UNC13C: variants seen among roughly 807,000 people sequenced by gnomAD.
The protein encoded by UNC13C is protein unc-13 homolog C.
In UNC13C, 174 loss-of-function variants were observed where a neutral mutation model predicts 245.4. That is an observed-to-expected ratio of 0.71 (90% CI 0.63 to 0.80). The LOEUF is 0.80. Ranked by LOEUF, UNC13C falls within the 30% of genes least tolerant of loss-of-function variation. The pLI, the probability that UNC13C is intolerant of heterozygous loss-of-function variation, is 0.00. For missense variants in UNC13C, 2,829 were observed against 2,602.9 expected, an observed-to-expected ratio of 1.09 and a Z score of -1.89; for synonymous variants, 992 against 895.1, an observed-to-expected ratio of 1.11 and a Z score of -1.93.
At chr15:54,588,838 A>C (rs2141250909) in intron 30 of UNC13C, among the ~76,000 whole-genome samples, 2 of 152,324 alleles carry the variant, frequency 1.3e-5, no homozygotes, top group South Asian at 4.1e-4. Context: ...ATGGCTCAGT[A>C]GTATTCCATT....
At position 54,123,181 on chromosome 15, in the gene UNC13C, A is replaced by AC. The variant is rs2030795475; in HGVS notation, c.2984-19833dup. Among the ~76,000 whole-genome samples the AC allele has an allele frequency of 4.6e-5, 7 of 151,972 alleles. No homozygotes were observed. The South Asian group carries it at 1.4e-3, about 31-fold the overall frequency. ...GTATCTTATGGTTTCAAATTTCATT[A>AC]CCCCAAGACTAATGATATTGAGTAT... On this transcript the variant is annotated intron_variant, in intron 2 of 32. Coordinates refer to ENST00000260323, the MANE Select transcript of UNC13C (RefSeq NM_001080534.3).
chr15:53,869,295 G>A, the UNC13C span, among the ~76,000 whole-genome samples: 1 of 152,182 alleles, frequency 6.6e-6, no homozygotes, highest in South Asian at 2.1e-4. Flanking sequence ...CCTGTTCAAT[G>A]CTGCCTGTCC....
chr15:54,418,675 T>C (rs884043), intron 19 of UNC13C, among the ~76,000 whole-genome samples: 63,330 of 151,532 alleles, frequency 0.42, 13,592 homozygotes, highest in East Asian at 0.55. Context: ...GGGGGCTTGG[T>C]AAATATATCC....
intron 17 of UNC13C, among the ~76,000 whole-genome samples, chr15:54,339,104 G>T (rs1235269460): frequency 6.6e-6 from 1 of 152,136 alleles, no homozygotes; most frequent in African/African-American, 2.4e-5. Context: ...CTGACCTCAG[G>T]TGATCCGCCC....
chr15:54,054,699 G>T (rs1275666799), intron 2 of UNC13C, among the ~76,000 whole-genome samples: 3 of 152,038 alleles, frequency 2.0e-5, no homozygotes, highest in African/African-American at 7.2e-5. Context: ...AACTATAAAG[G>T]CATATCACAG....
the UNC13C span, among the ~76,000 whole-genome samples, chr15:53,967,387 G>T: frequency 6.6e-6 from 1 of 151,424 alleles, no homozygotes; most frequent in Admixed American, 6.6e-5. Flanking sequence ...GTATGTACCT[G>T]CTGTTCTCAA....
intron 18 of UNC13C, among the ~76,000 whole-genome samples, chr15:54,402,344 T>C (rs1248573502): frequency 3.3e-5 from 5 of 152,194 alleles, no homozygotes; most frequent in African/African-American, 7.2e-5. Context: ...TTACATTATA[T>C]GGAAAGAATT....
At chr15:53,873,923 TCTTCCTTCCTTCCTTCCTTC>T in the UNC13C span, among the ~76,000 whole-genome samples, 2 of 47,608 alleles carry the variant, frequency 4.2e-5, no homozygotes, top group Non-Finnish European at 8.5e-5. Context: ...TTCCTTCCTT[TCTTCCTTCCTTCCTTCCTTC>T]CTTCCTTCCT....
rs558011825 is a variant in UNC13C, at chr15:54,042,624, C to T, written c.2983+26738C>T. On this transcript the variant is annotated intron_variant, in intron 2 of 32. Coordinates refer to ENST00000260323, the MANE Select transcript of UNC13C (RefSeq NM_001080534.3). ...ATCCCAGCACTTTGGGAGGCTGAGG[C>T]GGGCGGATCACAAGGTCAGGAGATC... 2.3e-4 allele frequency among the ~76,000 whole-genome samples: 35 copies of T among 152,138 alleles called. 1 individual carries two copies. The highest frequency in any genetic ancestry group is 7.8e-4 in the Admixed American group (12 of 15,298).
chr15:54,060,049 A>T (rs987246525), intron 2 of UNC13C, among the ~76,000 whole-genome samples: 1 of 152,234 alleles, frequency 6.6e-6, no homozygotes, highest in Admixed American at 6.5e-5. Flanking sequence ...TTCAGGACAT[A>T]GGCATGGGCA....
At chr15:54,225,022 GTCT>G (rs1272774791) in intron 4 of UNC13C, among the ~76,000 whole-genome samples, 4 of 134,776 alleles carry the variant, frequency 3.0e-5, no homozygotes, top group Non-Finnish European at 6.1e-5. Flanking sequence ...TTTTACTTGT[GTCT>G]TCTTTTTTTT....
chr15:53,935,253 C>A, the UNC13C span, among the ~76,000 whole-genome samples: 1 of 152,120 alleles, frequency 6.6e-6, no homozygotes, highest in African/African-American at 2.4e-5. Flanking sequence ...TTCCCACCCA[C>A]CCACAGTAAG....
At chr15:53,870,287 G>A in the UNC13C span, among the ~76,000 whole-genome samples, 3 of 152,160 alleles carry the variant, frequency 2.0e-5, no homozygotes, top group African/African-American at 7.2e-5. Flanking sequence ...CCTTTGAGAA[G>A]TCACTTTCTA....
At chr15:54,373,241 C>G (rs2039530956) in intron 17 of UNC13C, among the ~76,000 whole-genome samples, 1 of 152,178 alleles carries the variant, frequency 6.6e-6, no homozygotes, top group Admixed American at 6.5e-5. Context: ...TTACCAGAAG[C>G]AAGTATTACA....
At chr15:54,569,256 C>A (rs1897647564) in intron 30 of UNC13C, among the ~76,000 whole-genome samples, 1 of 152,088 alleles carries the variant, frequency 6.6e-6, no homozygotes, top group South Asian at 2.1e-4. Context: ...CCCTCGGTAT[C>A]CCTGGGTAAT....
At chr15:54,167,925 C>T (rs1227395765) in intron 4 of UNC13C, among the ~76,000 whole-genome samples, 1 of 152,150 alleles carries the variant, frequency 6.6e-6, no homozygotes, top group Non-Finnish European at 1.5e-5. Flanking sequence ...CCAGGAGACA[C>T]TACTATGCAC....
chr15:54,344,447 T>A (rs1253716970), intron 17 of UNC13C, among the ~76,000 whole-genome samples: 1 of 152,234 alleles, frequency 6.6e-6, no homozygotes, highest in African/African-American at 2.4e-5. Context: ...TTACTGGTTT[T>A]ATTTTTAGGT....
chr15:53,877,360 A>G, the UNC13C span, among the ~76,000 whole-genome samples: 1 of 152,098 alleles, frequency 6.6e-6, no homozygotes, highest in Admixed American at 6.6e-5. Context: ...AGAGTGAGAG[A>G]AACTCTTAGA....
At chr15:53,885,894 G>GA in the UNC13C span, among the ~76,000 whole-genome samples, 1 of 152,144 alleles carries the variant, frequency 6.6e-6, no homozygotes, top group African/African-American at 2.4e-5. Flanking sequence ...TCATTAATAA[G>GA]GTTGTTTCTC....
Sources: gnomAD v4.1 joint callset for allele counts (sites outside exome capture counted in the v4.1 genomes callset) on GRCh38, gnomAD v4.1.1 for gene constraint, MANE v1.5 for transcripts, NCBI Gene and HGNC (gene_info 2026-07-23, HGNC 2026-07-21) for gene names.